Variants in BEND5 observed in about 807,000 individuals in gnomAD.
BEND5 encodes BEN domain-containing protein 5.
BEND5 carries 22 observed loss-of-function variants against 43.9 expected under a neutral mutation model. The ratio of observed to expected loss-of-function variants is 0.50; its 90% CI spans 0.36 to 0.72. BEND5 has a LOEUF of 0.72. Ranked by LOEUF, BEND5 falls within the 30% of genes least tolerant of loss-of-function variation. The pLI is 0.00. For missense variants in BEND5, 428 were observed against 550.6 expected, an observed-to-expected ratio of 0.78 and a Z score of 2.23; for synonymous variants, 228 against 225.9, an observed-to-expected ratio of 1.01 and a Z score of -0.08.
intron 1 of BEND5, among the ~76,000 whole-genome samples, chr1:48,774,952 T>A (rs1645005243): frequency 6.6e-6 from 1 of 152,110 alleles, no homozygotes; most frequent in Admixed American, 6.5e-5. Context: ...TACAATACAA[T>A]CGTCAAGAAG....
chr1:48,753,941 C>G (rs2148639668), intron 3 of BEND5, among the ~76,000 whole-genome samples: 1 of 152,288 alleles, frequency 6.6e-6, no homozygotes, highest in South Asian at 2.1e-4. Flanking sequence ...GCAATTAGAG[C>G]ACTGATTTTA....
chr1:48,772,992 T>C (rs1328577243), intron 1 of BEND5, among the ~76,000 whole-genome samples: 2 of 152,122 alleles, frequency 1.3e-5, no homozygotes, highest in Non-Finnish European at 2.9e-5. Flanking sequence ...ACAGAAATCC[T>C]ACATAGCAGG....
chr1:48,732,767 A>G (rs914695184), intron 5 of BEND5, among the ~76,000 whole-genome samples: 1 of 152,200 alleles, frequency 6.6e-6, no homozygotes, highest in Non-Finnish European at 1.5e-5. Context: ...ACCCAAAGTC[A>G]AGGGCACACT....
intron 3 of BEND5, among the ~76,000 whole-genome samples, chr1:48,754,751 G>C (rs6692617): frequency 0.014 from 2,193 of 152,236 alleles, 47 homozygotes; most frequent in African/African-American, 0.05. Context: ...CACAGACAAG[G>C]AAAGTTCTGT....
chr1:48,776,843 G>A lies in BEND5; in HGVS notation c.-12C>T. ...ACAAAGGCGTACATGGTGGGCGCCG[G>A]GGGCGGGCCCCGGTCGGGCAGCTCA... On this transcript the variant is annotated 5_prime_UTR_variant, in exon 1 of 6. Coordinates refer to ENST00000371833, the MANE Select transcript of BEND5 (RefSeq NM_024603.4). 6.7e-7 allele frequency: 1 copy of A among 1,494,764 alleles called. No individual in the cohort carries two copies. Among genetic ancestry groups the A allele is most frequent in the Non-Finnish European group, 8.9e-7 (1 of 1,124,080 alleles). 92.6% of individuals were successfully genotyped at this position (1,494,764 alleles called of 1,614,324 possible). A position where few individuals can be genotyped will look rare whatever the true frequency, so the allele number is the denominator to read the frequency against.
At chr1:48,769,837 A>G (rs1183796163) in intron 1 of BEND5, among the ~76,000 whole-genome samples, 1 of 152,190 alleles carries the variant, frequency 6.6e-6, no homozygotes, top group African/African-American at 2.4e-5. Context: ...ATGTGAAGTA[A>G]TCTCCCCAAA....
chr1:48,768,106 A>G (rs1644619709), intron 1 of BEND5, among the ~76,000 whole-genome samples: 1 of 152,202 alleles, frequency 6.6e-6, no homozygotes, highest in African/African-American at 2.4e-5. Context: ...CTATCACCTA[A>G]TTATCCTACA....
intron 1 of BEND5, among the ~76,000 whole-genome samples, chr1:48,767,115 C>G (rs1384935573): frequency 6.6e-6 from 1 of 152,122 alleles, no homozygotes; most frequent in African/African-American, 2.4e-5. Context: ...GAGAGGGTGG[C>G]CCAGTATCTA....
At chr1:48,741,395 C>A (rs1290486321) in intron 4 of BEND5, among the ~76,000 whole-genome samples, 1 of 152,202 alleles carries the variant, frequency 6.6e-6, no homozygotes, top group African/African-American at 2.4e-5. Context: ...ATGCTAAGAA[C>A]TCAGGCTCCA....
intron 3 of BEND5, among the ~76,000 whole-genome samples, chr1:48,753,899 C>G (rs1031381348): frequency 1.3e-5 from 2 of 152,308 alleles, no homozygotes; most frequent in African/African-American, 2.4e-5. Context: ...AAAGCACACA[C>G]AAAATCTAAA....
chr1:48,759,931 A>C (rs1045301696), intron 2 of BEND5, among the ~76,000 whole-genome samples: 21 of 152,198 alleles, frequency 1.4e-4, no homozygotes, highest in African/African-American at 5.1e-4. Context: ...TGTTTACTCA[A>C]CTGAAAAGTT....
chr1:48,728,468 A>T (rs1340308258), intron 5 of BEND5, among the ~76,000 whole-genome samples: 1 of 140,236 alleles, frequency 7.1e-6, no homozygotes, highest in Non-Finnish European at 1.5e-5. Context: ...TGCCCACTCT[A>T]TCATTCTGAC....
intron 3 of BEND5, among the ~76,000 whole-genome samples, chr1:48,745,700 A>G (rs1183671480): frequency 6.6e-6 from 1 of 152,208 alleles, no homozygotes; most frequent in Non-Finnish European, 1.5e-5. Context: ...AGGCTGCCCT[A>G]TCCCCTCAAA....
intron 1 of BEND5, 78 bp downstream of exon 1, chr1:48,776,525 CCCT>C: frequency 3.8e-6 from 4 of 1,046,876 alleles, no homozygotes; most frequent in Non-Finnish European, 3.9e-6. Context: ...CCCCCCGGTC[CCCT>C]CCGCCCGGGC....
chr1:48,739,907 A>G (rs1040558674), intron 4 of BEND5, among the ~76,000 whole-genome samples: 2 of 152,186 alleles, frequency 1.3e-5, no homozygotes, highest in Non-Finnish European at 2.9e-5. Flanking sequence ...TCCTTTATGA[A>G]TTTCTAGCTC....
At chr1:48,751,603 T>G (rs1206785922) in intron 3 of BEND5, among the ~76,000 whole-genome samples, 1 of 152,210 alleles carries the variant, frequency 6.6e-6, no homozygotes, top group Admixed American at 6.5e-5. Context: ...AGGCTTTGCC[T>G]GTAATGAACA....
chr1:48,766,497 A>C (rs148529176), intron 1 of BEND5, among the ~76,000 whole-genome samples: 3 of 152,338 alleles, frequency 2.0e-5, no homozygotes, highest in Non-Finnish European at 4.4e-5. Flanking sequence ...TATCCTCAGT[A>C]AGTCTCCAGA....
chr1:48,744,585 T>C lies in BEND5; in HGVS notation c.746-1814A>G, dbSNP rs535641705. 5.9e-5 allele frequency among the ~76,000 whole-genome samples: 9 copies of C among 152,312 alleles called. No homozygotes were observed. In the South Asian group the frequency reaches 1.2e-3, roughly 21 times the overall value. Reference sequence around the variant, plus strand: ...TTTTAGCAAGAACATGTCTTTCCTCTAAAGCCTCCTTTTCCTTCCATGAGA... The same window carrying C: ...TTTTAGCAAGAACATGTCTTTCCTCCAAAGCCTCCTTTTCCTTCCATGAGA... On this transcript the variant is annotated intron_variant, in intron 3 of 5. Coordinates refer to ENST00000371833, the MANE Select transcript of BEND5 (RefSeq NM_024603.4).
chr1:48,762,611 G>GTTTT lies in BEND5; in HGVS notation c.227-1145_227-1142dup. Among the ~76,000 whole-genome samples the GTTTT allele has an allele frequency of 3.3e-5, 3 of 89,758 alleles. No homozygotes were observed. In the South Asian group the frequency reaches 1.4e-3, roughly 43 times the overall value. The allele number at this position is 89,758 out of a possible 152,430, so 58.9% of individuals were successfully genotyped here. On this transcript the variant is annotated intron_variant, in intron 1 of 5. Coordinates refer to ENST00000371833, the MANE Select transcript of BEND5 (RefSeq NM_024603.4). Reference sequence around the variant, plus strand: ...AGTTAGTTAAATCCAGTCTTTAAGGGTTTTGTGTGTGTGTGTGTGTGTGTG... The same window carrying GTTTT: ...AGTTAGTTAAATCCAGTCTTTAAGGGTTTTTTTTGTGTGTGTGTGTGTGTGTGTG...
Sources: allele counts gnomAD v4.1 joint callset (sites outside exome capture counted in the v4.1 genomes callset), GRCh38; gene constraint gnomAD v4.1.1; transcripts MANE v1.5; gene names NCBI Gene and HGNC (gene_info 2026-07-23, HGNC 2026-07-21).